SLC14A2: variants seen among roughly 807,000 people sequenced by gnomAD.
SLC14A2 encodes solute carrier family 14 member 2.
SLC14A2 carries 91 observed loss-of-function variants against 104.6 expected under a neutral mutation model. The observed-to-expected ratio is 0.87, with a 90% CI of 0.73 to 1.04. The LOEUF (loss-of-function observed/expected upper bound fraction) is 1.04. SLC14A2 is among the 50% of genes least tolerant of loss of function. SLC14A2 has a pLI of 0.00. For synonymous variants in SLC14A2, 476 were observed against 466.4 expected (o/e 1.02, Z -0.27); for missense variants, 1,189 against 1,156.0 (o/e 1.03, Z -0.41).
intron 1 of SLC14A2, among the ~76,000 whole-genome samples, chr18:45,214,504 G>A (rs1321592642): frequency 6.6e-6 from 1 of 152,118 alleles, no homozygotes; most frequent in East Asian, 1.9e-4. Context: ...CAGTTCTGCT[G>A]CCTTTGTTGT....
intron 10 of SLC14A2, among the ~76,000 whole-genome samples, chr18:45,645,988 T>G (rs79628789): frequency 0.038 from 5,725 of 152,196 alleles, 356 homozygotes; most frequent in African/African-American, 0.13. Context: ...ATGAAGACCC[T>G]CAGGAAATGG....
the SLC14A2 span, among the ~76,000 whole-genome samples, chr18:45,171,300 T>C: frequency 2.0e-5 from 3 of 152,094 alleles, no homozygotes. Flanking sequence ...TAGTTTATCC[T>C]AGGGCTTCGT....
chr18:45,501,246 T>C (rs1409631671), intron 2 of SLC14A2, among the ~76,000 whole-genome samples: 5 of 152,178 alleles, frequency 3.3e-5, no homozygotes, highest in Non-Finnish European at 7.3e-5. Context: ...AAGGTGAGGA[T>C]AGCCAGGAAA....
intron 1 of SLC14A2, among the ~76,000 whole-genome samples, chr18:45,338,939 C>T (rs559832578): frequency 6.9e-6 from 1 of 145,890 alleles, no homozygotes; most frequent in South Asian, 2.2e-4. Context: ...ATTCTTATAC[C>T]TTTTTTTTTT....
At chr18:45,422,913 G>C (rs1050389527) in intron 1 of SLC14A2, among the ~76,000 whole-genome samples, 11 of 152,180 alleles carry the variant, frequency 7.2e-5, no homozygotes, top group African/African-American at 2.6e-4. Flanking sequence ...GGCTTAGCCC[G>C]GCTCCCTCAG....
chr18:45,316,920 A>C (rs1241608612), intron 1 of SLC14A2, among the ~76,000 whole-genome samples: 1 of 152,130 alleles, frequency 6.6e-6, no homozygotes, highest in African/African-American at 2.4e-5. Flanking sequence ...AAGAGTGTTC[A>C]CTCCATAGGC....
intron 2 of SLC14A2, among the ~76,000 whole-genome samples, chr18:45,557,330 T>G (rs142977296): frequency 2.2e-3 from 330 of 152,328 alleles, no homozygotes; most frequent in African/African-American, 7.6e-3. Flanking sequence ...ATGCTGAGCT[T>G]GATGTCCTCA....
intron 1 of SLC14A2, among the ~76,000 whole-genome samples, chr18:45,263,549 G>T (rs79268169): frequency 0.019 from 2,909 of 152,214 alleles, 151 homozygotes; most frequent in East Asian, 0.18. Context: ...GGTGGATCTT[G>T]CCTGTACCAA....
chr18:45,608,255 C>A (rs571739760), intron 2 of SLC14A2, among the ~76,000 whole-genome samples: 1 of 152,338 alleles, frequency 6.6e-6, no homozygotes, highest in African/African-American at 2.4e-5. Context: ...CTCATTAAAT[C>A]CCTGATGGTT....
intron 2 of SLC14A2, among the ~76,000 whole-genome samples, chr18:45,584,610 G>A (rs553047820): frequency 1.3e-5 from 2 of 152,268 alleles, no homozygotes; most frequent in East Asian, 3.9e-4. Flanking sequence ...CCAAGGAGTT[G>A]AGCTGCCCCT....
intron 2 of SLC14A2, among the ~76,000 whole-genome samples, chr18:45,511,737 A>G (rs943170058): frequency 6.6e-5 from 10 of 152,128 alleles, no homozygotes; most frequent in African/African-American, 2.4e-4. Context: ...AAGTGTCCCA[A>G]TTTCTACCCA....
intron 2 of SLC14A2, among the ~76,000 whole-genome samples, chr18:45,519,891 T>G (rs1426012675): frequency 6.6e-6 from 1 of 152,092 alleles, no homozygotes; most frequent in Non-Finnish European, 1.5e-5. Context: ...ACTCCTACAC[T>G]AGGAATTAAC....
intron 2 of SLC14A2, among the ~76,000 whole-genome samples, chr18:45,505,813 G>A (rs1216219342): frequency 6.6e-6 from 1 of 152,084 alleles, no homozygotes; most frequent in Non-Finnish European, 1.5e-5. Flanking sequence ...GTACAGACCC[G>A]CCTACACGTT....
chr18:45,262,428 G>A (rs944775999), intron 1 of SLC14A2, among the ~76,000 whole-genome samples: 1 of 152,080 alleles, frequency 6.6e-6, no homozygotes, highest in South Asian at 2.1e-4. Flanking sequence ...CAATCACACC[G>A]CAGGGATTCT....
chr18:45,461,756 A>G lies in SLC14A2; in HGVS notation c.-124-21477A>G, dbSNP rs574026125. 1.7e-4 allele frequency among the ~76,000 whole-genome samples: 26 copies of G among 152,372 alleles called. No homozygotes were observed. In the South Asian group the frequency reaches 4.1e-3, roughly 24 times the overall value. ...GTGCCTAAAATTGCATCGTTTGAGCATAATCATATATTTGGGTTAAGGAGA... is the reference window on the plus strand; with the variant it reads ...GTGCCTAAAATTGCATCGTTTGAGCGTAATCATATATTTGGGTTAAGGAGA... On this transcript the variant is annotated intron_variant, in intron 1 of 20. Coordinates refer to the SLC14A2 transcript ENST00000586448.
intron 1 of SLC14A2, among the ~76,000 whole-genome samples, chr18:45,355,756 T>C (rs988970789): frequency 1.3e-5 from 2 of 152,052 alleles, no homozygotes; most frequent in Admixed American, 1.3e-4. Flanking sequence ...TGAACACTAC[T>C]GTCTGAATGC....
chr18:45,452,220 T>G (rs1785429758), intron 1 of SLC14A2, among the ~76,000 whole-genome samples: 1 of 152,188 alleles, frequency 6.6e-6, no homozygotes, highest in African/African-American at 2.4e-5. Context: ...TGCATTTGAA[T>G]CCCAGGTCTG....
chr18:45,540,396 G>C (rs757055925), intron 2 of SLC14A2, among the ~76,000 whole-genome samples: 1 of 152,158 alleles, frequency 6.6e-6, no homozygotes, highest in Non-Finnish European at 1.5e-5. Flanking sequence ...CCTGTTGTGG[G>C]CAGTCACACA....
chr18:45,555,652 AT>A (rs965490938), intron 2 of SLC14A2, among the ~76,000 whole-genome samples: 9 of 152,126 alleles, frequency 5.9e-5, no homozygotes, highest in Non-Finnish European at 8.8e-5. Context: ...AAAGATAGGA[AT>A]TTTTTTTATT....
Sources: gnomAD v4.1 joint callset for allele counts (sites outside exome capture counted in the v4.1 genomes callset) on GRCh38, gnomAD v4.1.1 for gene constraint, MANE v1.5 for transcripts, NCBI Gene and HGNC (gene_info 2026-07-23, HGNC 2026-07-21) for gene names.